Variants in C4orf50 observed in about 807,000 individuals in gnomAD.
The protein encoded by C4orf50 is uncharacterized protein C4orf50.
A neutral mutation model predicts 77.2 loss-of-function variants in C4orf50; 80 were observed. The ratio of observed to expected loss-of-function variants is 1.04; its 90% CI spans 0.87 to 1.25. The LOEUF is 1.25. Ranked by LOEUF, C4orf50 falls within the 50% of genes most tolerant of loss-of-function variation. The pLI is 0.00. For synonymous variants in C4orf50, 532 were observed against 465.3 expected (o/e 1.14, Z -1.84); for missense variants, 1,257 against 1,152.9 (o/e 1.09, Z -1.31).
chr4:5,917,174 G>A (rs1201101988), intron 7 of C4orf50, among the ~76,000 whole-genome samples: 1 of 152,160 alleles, frequency 6.6e-6, no homozygotes, highest in South Asian at 2.1e-4. Flanking sequence ...TGAGGCTCAA[G>A]AGTCATTGAG....
chr4:5,910,231 G>A (rs1444657483), intron 7 of C4orf50, among the ~76,000 whole-genome samples: 1 of 152,180 alleles, frequency 6.6e-6, no homozygotes, highest in Non-Finnish European at 1.5e-5. Context: ...ATGAGAAAAT[G>A]TGAACAGAGC....
chr4:5,957,822 T>C (rs1719053137), exon 34 of C4orf50: 1 of 152,162 alleles, frequency 6.6e-6, no homozygotes, highest in African/African-American at 2.4e-5. Flanking sequence ...TACGTCTCAA[T>C]GGCTCCCCAA....
intron 7 of C4orf50, among the ~76,000 whole-genome samples, chr4:5,925,319 A>AG (rs1226687178): frequency 6.6e-6 from 1 of 152,156 alleles, no homozygotes; most frequent in East Asian, 1.9e-4. Context: ...GGGGACCCCC[A>AG]GGCCGCTGGA....
intron 25 of C4orf50, among the ~76,000 whole-genome samples, chr4:5,997,682 A>G (rs1038290618): frequency 1.3e-5 from 2 of 152,254 alleles, no homozygotes; most frequent in African/African-American, 4.8e-5. Flanking sequence ...AAATATCAGG[A>G]TATCCGGGCA....
intron 25 of C4orf50, among the ~76,000 whole-genome samples, chr4:5,996,323 T>C (rs903904156): frequency 6.6e-6 from 1 of 152,138 alleles, no homozygotes; most frequent in East Asian, 1.9e-4. Context: ...TTCCACGCAC[T>C]GCTCAGCCCC....
chr4:5,938,281 C>T (rs1204052583), intron 7 of C4orf50, among the ~76,000 whole-genome samples: 1 of 152,100 alleles, frequency 6.6e-6, no homozygotes, highest in Admixed American at 6.5e-5. Flanking sequence ...TACAGAAAAT[C>T]CCACATATTA....
chr4:6,003,683 ATGATGGTGATGATAGTGATGGTGATGATG>A (rs1721957108), intron 25 of C4orf50, among the ~76,000 whole-genome samples: 2 of 126,094 alleles, frequency 1.6e-5, no homozygotes, highest in Admixed American at 8.1e-5. Context: ...GATGATAGTG[ATGATGGTGATGATAGTGATGGTGATGATG>A]TGATGGTGAT....
At chr4:5,927,724 C>T (rs957080474) in intron 7 of C4orf50, among the ~76,000 whole-genome samples, 1 of 152,138 alleles carries the variant, frequency 6.6e-6, no homozygotes, top group African/African-American at 2.4e-5. Context: ...TTCCTGAGGC[C>T]TCCCCAGCCA....
Position 6,008,226 on chromosome 4 carries a change from C to T in C4orf50, c.733G>A (p.Ala245Thr), listed in dbSNP as rs1392724905. Residue 245 changes from alanine to threonine, a missense_variant, in exon 25 of 34, where the codon GCG (alanine) becomes ACG (threonine). Ala to Thr is a moderately conservative substitution (Grantham distance 58). Transcript: ENST00000531445. This position sits in a 1 kb window ranked among gnomAD's most constrained non-coding sequence, Gnocchi z 6.0. Reference sequence around the variant, plus strand: ...TCGCGCTCGCTGCGCTCTGCCCTCGCCTGCAGGGCGCGCAGTTCCGCAGCC... The same window carrying T: ...TCGCGCTCGCTGCGCTCTGCCCTCGTCTGCAGGGCGCGCAGTTCCGCAGCC... 1 of 396,638 alleles carries T rather than the reference C, an allele frequency of 2.5e-6. No homozygotes were observed. The highest frequency in any genetic ancestry group is 2.1e-5 in the African/African-American group (1 of 48,524). 24.6% of individuals were successfully genotyped at this position (396,638 alleles called of 1,614,324 possible).
chr4:5,947,789 G>A (rs1485461997), intron 7 of C4orf50, among the ~76,000 whole-genome samples: 10 of 152,108 alleles, frequency 6.6e-5, no homozygotes, highest in South Asian at 2.1e-4. Flanking sequence ...CGGCTGGATC[G>A]TCCCCCTGGG....
At position 6,008,962 on chromosome 4, in the gene C4orf50, A is replaced by G. The variant is rs1722372912; in HGVS notation, c.427-430T>C. 6.6e-6 allele frequency among the ~76,000 whole-genome samples: 1 copy of G among 152,076 alleles called. No homozygotes were observed. Among genetic ancestry groups the G allele is most frequent in the Non-Finnish European group, 1.5e-5 (1 of 68,012 alleles). On this transcript the variant is annotated intron_variant, in intron 24 of 33. Transcript: ENST00000531445. This position sits in a 1 kb window ranked among gnomAD's most constrained non-coding sequence, Gnocchi z 6.0. ...GCCCAGAGATCCCCACTTCCTACCT[A>G]CAGGGTCAATGCTTGGCCCACCCAG...
At chr4:5,917,660 C>T (rs1717089890) in intron 7 of C4orf50, among the ~76,000 whole-genome samples, 1 of 152,096 alleles carries the variant, frequency 6.6e-6, no homozygotes, top group Non-Finnish European at 1.5e-5. Context: ...GATCCGCTCA[C>T]CTTGGCCTCC....
At chr4:5,945,785 G>A (rs1220736708) in intron 7 of C4orf50, among the ~76,000 whole-genome samples, 1 of 152,162 alleles carries the variant, frequency 6.6e-6, no homozygotes, top group Non-Finnish European at 1.5e-5. Flanking sequence ...GGGCTGGGCT[G>A]GACCCTGGGC....
At chr4:5,904,080 T>C (rs550299072) in intron 7 of C4orf50, 1 of 152,280 alleles carries the variant, frequency 6.6e-6, no homozygotes, top group Non-Finnish European at 1.5e-5. Context: ...AGATCTGACT[T>C]CCAGTCACCA....
intron 26 of C4orf50, among the ~76,000 whole-genome samples, chr4:5,993,599 A>G (rs112838874): frequency 3.5e-4 from 53 of 152,186 alleles, no homozygotes; most frequent in Non-Finnish European, 7.2e-4. Flanking sequence ...GGCGGATCAC[A>G]TAAGGCCAGG....
chr4:5,928,344 TCATACACACACACACA>T (rs1255637803), intron 7 of C4orf50, among the ~76,000 whole-genome samples: 8,000 of 151,086 alleles, frequency 0.053, 276 homozygotes, highest in Middle Eastern at 0.1. Flanking sequence ...TCTTCCCCTC[TCATACACACACACACA>T]CATACACACA....
At chr4:5,910,815 G>A (rs1366502092) in intron 7 of C4orf50, among the ~76,000 whole-genome samples, 1 of 151,948 alleles carries the variant, frequency 6.6e-6, no homozygotes, top group Admixed American at 6.6e-5. Context: ...GGAGTGGGGG[G>A]GATACCTCTC....
chr4:5,910,905 T>TTC (rs1220729033), intron 7 of C4orf50, among the ~76,000 whole-genome samples: 4 of 79,392 alleles, frequency 5.0e-5, no homozygotes, highest in African/African-American at 1.8e-4. Flanking sequence ...TTCCCTTTCT[T>TTC]TCTTTTTTTT....
intron 7 of C4orf50, among the ~76,000 whole-genome samples, chr4:5,946,046 G>A (rs115490572): frequency 0.023 from 3,511 of 152,322 alleles, 70 homozygotes; most frequent in African/African-American, 0.046. Context: ...TCTGGCAGAG[G>A]CCAGGCTCCT....
Sources: allele counts gnomAD v4.1 joint callset (sites outside exome capture counted in the v4.1 genomes callset), GRCh38; gene constraint gnomAD v4.1.1; non-coding constraint Gnocchi (gnomAD v3.1); transcripts MANE v1.5; gene names NCBI Gene and HGNC (gene_info 2026-07-23, HGNC 2026-07-21).